The following MYO3B variants were observed in gnomAD, a reference collection of about 807,000 sequenced individuals.
MYO3B encodes the protein myosin-IIIb.
MYO3B carries 156 observed loss-of-function variants against 174.6 expected under a neutral mutation model. The ratio of observed to expected loss-of-function variants is 0.89; its 90% confidence interval spans 0.78 to 1.02. The LOEUF is 1.02. Among genes scored for constraint, MYO3B ranks in the 50% least tolerant of loss-of-function variants. MYO3B has a pLI of 0.00. For synonymous variants in MYO3B, 563 were observed against 569.1 expected (o/e 0.99, Z 0.15); for missense variants, 1,632 against 1,639.4 (o/e 1.00, Z 0.08).
chr2:170,628,280 G>A (rs1696636772), intron 32 of MYO3B, among the ~76,000 whole-genome samples: 2 of 152,318 alleles, frequency 1.3e-5, no homozygotes, highest in South Asian at 4.1e-4. Flanking sequence ...CTGCTGCCTT[G>A]CAGTTCGATC....
chr2:170,499,867 G>C, intron 27 of MYO3B, 59 bp downstream of exon 27: 1 of 1,525,686 alleles, frequency 6.6e-7, no homozygotes, highest in Non-Finnish European at 9.0e-7. Context: ...TTAAGTACTG[G>C]GGAATACTCA....
At chr2:170,183,423 C>T (rs1009108320) in intron 1 of MYO3B, among the ~76,000 whole-genome samples, 3 of 152,060 alleles carry the variant, frequency 2.0e-5, no homozygotes, top group African/African-American at 7.2e-5. Flanking sequence ...GCTCTGTTCT[C>T]GTTAGGTTTA....
chr2:170,530,548 C>T (rs1013486514), intron 30 of MYO3B, among the ~76,000 whole-genome samples: 2 of 152,196 alleles, frequency 1.3e-5, no homozygotes, highest in East Asian at 1.9e-4. Flanking sequence ...ACCACATGGC[C>T]GCTCTCGGGT....
chr2:170,218,335 A>C (rs2092853322), intron 6 of MYO3B, among the ~76,000 whole-genome samples: 1 of 152,250 alleles, frequency 6.6e-6, no homozygotes, highest in Non-Finnish European at 1.5e-5. Context: ...ATATTTCTTA[A>C]ATAGGTTTTA....
chr2:170,554,149 CTTTG>C lies in MYO3B; in HGVS notation c.3733+10165_3733+10168del, dbSNP rs1160233866. 2.0e-5 allele frequency among the ~76,000 whole-genome samples: 3 copies of C among 152,108 alleles called. No homozygotes were observed. In the East Asian group the frequency reaches 5.8e-4, roughly 29 times the overall value. On this transcript the variant is annotated intron_variant, in intron 32 of 34. Coordinates refer to ENST00000408978, the MANE Select transcript of MYO3B (RefSeq NM_138995.5). ...TTTACTAGATCTGGGTTTTTGGTTTCTTTGTTTTTGTTTTGCTTTGTTTTGTAAT... is the reference window on the plus strand; with the variant it reads ...TTTACTAGATCTGGGTTTTTGGTTTCTTTTTGTTTTGCTTTGTTTTGTAAT...
intron 7 of MYO3B, among the ~76,000 whole-genome samples, chr2:170,325,860 A>G (rs1258963922): frequency 6.6e-6 from 1 of 152,148 alleles, no homozygotes; most frequent in East Asian, 1.9e-4. Context: ...TGAAAGCTAC[A>G]TTCTCCAAGA....
Position 170,369,007 on chromosome 2 carries a change from G to A in MYO3B, c.816-215G>A, listed in dbSNP as rs186707067. 1.3e-3 allele frequency among the ~76,000 whole-genome samples: 191 copies of A among 152,244 alleles called. 1 individual carries two copies. The East Asian group carries it at 0.027, about 22-fold the overall frequency. ...GTTTTCAACTTTGCTTAAAACAAACGAAGACAGATTTCTGATGTTTTAATT... is the reference window on the plus strand; with the variant it reads ...GTTTTCAACTTTGCTTAAAACAAACAAAGACAGATTTCTGATGTTTTAATT... On this transcript the variant is annotated intron_variant, in intron 8 of 34. Coordinates refer to ENST00000408978, the MANE Select transcript of MYO3B (RefSeq NM_138995.5).
Position 170,383,615 on chromosome 2 carries a change from C to T in MYO3B, c.1186-95C>T, listed in dbSNP as rs762744777. On this transcript the variant is annotated intron_variant, in intron 11 of 34. Transcript: ENST00000408978. ...TACAGTCTTCCTAATGCAACAAGTA[C>T]CCTAATAAGTGACAGATTCTTGGTT... 1.4e-5 allele frequency: 13 copies of T among 914,550 alleles called. No homozygotes were observed. In the East Asian group the frequency reaches 3.1e-4, roughly 22 times the overall value. The allele number at this position is 914,550 out of a possible 1,614,324, so 56.7% of individuals were successfully genotyped here.
chr2:170,361,372 T>C (rs1386428449), intron 8 of MYO3B, among the ~76,000 whole-genome samples: 6 of 152,184 alleles, frequency 3.9e-5, no homozygotes, highest in African/African-American at 9.7e-5. Context: ...AGGTGCTTTT[T>C]ATAAAAACTC....
chr2:170,498,575 A>C lies in MYO3B; in HGVS notation c.3015-17A>C. ...ATGGTGACTGAAAAGGCTTCACTTA[A>C]TTCTTTTATTTTGCAGGTATTATTA... On this transcript the variant is annotated splice_polypyrimidine_tract_variant and intron_variant, in intron 25 of 34. Transcript: ENST00000408978. The C allele has an allele frequency of 1.3e-6, 2 of 1,580,908 alleles. No individual in the cohort carries two copies. Among genetic ancestry groups the C allele is most frequent in the Non-Finnish European group, 1.7e-6 (2 of 1,150,294 alleles).
intron 7 of MYO3B, among the ~76,000 whole-genome samples, chr2:170,274,640 A>G (rs1285207716): frequency 1.3e-5 from 2 of 152,174 alleles, no homozygotes; most frequent in African/African-American, 2.4e-5. Context: ...GCATGAAGCT[A>G]CTATTTGGAG....
intron 7 of MYO3B, among the ~76,000 whole-genome samples, chr2:170,256,523 T>C (rs910233607): frequency 1.3e-5 from 2 of 152,194 alleles, no homozygotes; most frequent in Middle Eastern, 3.2e-3. Context: ...AAGAATTTCA[T>C]ATACCACCAA....
At chr2:170,381,625 A>C (rs1364325848) in intron 9 of MYO3B, among the ~76,000 whole-genome samples, 1 of 152,260 alleles carries the variant, frequency 6.6e-6, no homozygotes, top group Non-Finnish European at 1.5e-5. Context: ...TGGTGCTGGT[A>C]GATAAAGCAA....
At chr2:170,494,727 C>CAA (rs3066990) in intron 25 of MYO3B, among the ~76,000 whole-genome samples, 29,365 of 91,806 alleles carry the variant, frequency 0.32, 4,179 homozygotes, top group East Asian at 0.43. Context: ...AACTGCGTCT[C>CAA]AAAAAAAAAA....
At chr2:170,204,054 A>T (rs1467138231) in intron 3 of MYO3B, among the ~76,000 whole-genome samples, 1 of 152,170 alleles carries the variant, frequency 6.6e-6, no homozygotes, top group Admixed American at 6.5e-5. Context: ...CTTCCCTCTC[A>T]TTGTATGAGC....
At chr2:170,471,891 G>A (rs12994919) in intron 25 of MYO3B, among the ~76,000 whole-genome samples, 6 of 151,778 alleles carry the variant, frequency 4.0e-5, no homozygotes, top group South Asian at 2.1e-4. Context: ...CTTGGGAGGC[G>A]GAGGCAGGAG....
At chr2:170,589,483 T>A (rs1413326333) in intron 32 of MYO3B, among the ~76,000 whole-genome samples, 1 of 152,184 alleles carries the variant, frequency 6.6e-6, no homozygotes, top group Non-Finnish European at 1.5e-5. Flanking sequence ...GACAGTGATA[T>A]AGATGATCCT....
At position 170,315,142 on chromosome 2, in the gene MYO3B, C is replaced by T. The variant is rs75114614; in HGVS notation, c.750-20243C>T. Among the ~76,000 whole-genome samples, 730 of 152,254 alleles carry T rather than the reference C, an allele frequency of 4.8e-3. 8 individuals carry two copies. Among genetic ancestry groups the T allele is most frequent in the East Asian group, 0.036 (186 of 5,184 alleles). On this transcript the variant is annotated intron_variant, in intron 7 of 34. Transcript: ENST00000408978. ...TCAGCACACAATTCCCTATTTCTTT[C>T]GCTTCTGAAAAGACTGAAGCTTTAG...
intron 28 of MYO3B, among the ~76,000 whole-genome samples, chr2:170,509,979 G>A (rs929672108): frequency 2.0e-5 from 3 of 152,158 alleles, no homozygotes; most frequent in East Asian, 1.9e-4. Flanking sequence ...GCAGGATCAC[G>A]GTTTGATTTG....
Sources: gnomAD v4.1 joint callset for allele counts (sites outside exome capture counted in the v4.1 genomes callset) on GRCh38, gnomAD v4.1.1 for gene constraint, MANE v1.5 for transcripts, NCBI Gene and HGNC (gene_info 2026-07-23, HGNC 2026-07-21) for gene names.